The following BMAL1 variants were observed in gnomAD, a reference collection of about 807,000 sequenced individuals.
The protein encoded by BMAL1 is basic helix-loop-helix ARNT-like protein 1.
At chr11:13,385,530 C>G in the BMAL1 span, among the ~76,000 whole-genome samples, 2 of 152,122 alleles carry the variant, frequency 1.3e-5, no homozygotes, top group Non-Finnish European at 2.9e-5. Flanking sequence ...TTTTTTCTTA[C>G]TCTGACCATG....
At chr11:13,313,826 C>CAA in the BMAL1 span, among the ~76,000 whole-genome samples, 1 of 152,106 alleles carries the variant, frequency 6.6e-6, no homozygotes, top group Non-Finnish European at 1.5e-5. Context: ...AAAAGCTAAC[C>CAA]CCCTTCAGCG....
chr11:13,318,699 C>T, the BMAL1 span, among the ~76,000 whole-genome samples: 1 of 151,916 alleles, frequency 6.6e-6, no homozygotes, highest in Non-Finnish European at 1.5e-5. Context: ...GTGCCTCCTT[C>T]TAGCTAGTGC....
chr11:13,372,420 A>G, the BMAL1 span: 7 of 1,613,466 alleles, frequency 4.3e-6, no homozygotes, highest in Non-Finnish European at 5.9e-6. Context: ...GTAAGAGTCT[A>G]CATACTACCC....
At chr11:13,356,191 G>A in the BMAL1 span, 1 of 446,752 alleles carries the variant, frequency 2.2e-6, no homozygotes, top group South Asian at 1.6e-5. Flanking sequence ...ACCTACCTGA[G>A]AAGCAGAATA....
At chr11:13,283,543 C>G in the BMAL1 span, among the ~76,000 whole-genome samples, 2 of 152,164 alleles carry the variant, frequency 1.3e-5, no homozygotes, top group Non-Finnish European at 2.9e-5. Context: ...AGAATTTGTG[C>G]TGGTGAACTC....
the BMAL1 span, chr11:13,378,356 C>T: frequency 1.4e-4 from 220 of 1,611,928 alleles, no homozygotes; most frequent in Non-Finnish European, 1.8e-4. Flanking sequence ...AGAGGACCCA[C>T]CCCACTGTTC....
chr11:13,350,147 G>A, the BMAL1 span: 1 of 152,202 alleles, frequency 6.6e-6, no homozygotes, highest in Admixed American at 6.5e-5. Context: ...TCTTCCTTTA[G>A]GAAGTGTAGT....
chr11:13,295,808 A>G, the BMAL1 span, among the ~76,000 whole-genome samples: 1 of 152,164 alleles, frequency 6.6e-6, no homozygotes, highest in East Asian at 1.9e-4. Flanking sequence ...ACTTTTAATG[A>G]GTTACCAGCA....
the BMAL1 span, among the ~76,000 whole-genome samples, chr11:13,284,246 A>ATATGTG: frequency 8.9e-5 from 1 of 11,284 alleles, no homozygotes; most frequent in African/African-American, 3.9e-4. Context: ...ATATATATAT[A>ATATGTG]TATATATATA....
At chr11:13,342,684 G>A in the BMAL1 span, among the ~76,000 whole-genome samples, 1 of 152,216 alleles carries the variant, frequency 6.6e-6, no homozygotes, top group Non-Finnish European at 1.5e-5. Flanking sequence ...TATGGGATTA[G>A]TGTTCCATGG....
At chr11:13,279,812 A>G in the BMAL1 span, among the ~76,000 whole-genome samples, 1 of 152,202 alleles carries the variant, frequency 6.6e-6, no homozygotes, top group South Asian at 2.1e-4. Flanking sequence ...TTTGGTTTTG[A>G]TTGTAGATGC....
the BMAL1 span, among the ~76,000 whole-genome samples, chr11:13,327,012 G>A: frequency 6.6e-6 from 1 of 151,870 alleles, no homozygotes; most frequent in African/African-American, 2.4e-5. Flanking sequence ...AGTAGAGACG[G>A]GGTTTCACCG....
chr11:13,301,605 G>A, the BMAL1 span, among the ~76,000 whole-genome samples: 1 of 152,150 alleles, frequency 6.6e-6, no homozygotes, highest in African/African-American at 2.4e-5. Flanking sequence ...TTGAAGGACA[G>A]GCTGAAATGG....
At chr11:13,335,917 G>T in the BMAL1 span, among the ~76,000 whole-genome samples, 2 of 152,102 alleles carry the variant, frequency 1.3e-5, no homozygotes, top group Non-Finnish European at 2.9e-5. Flanking sequence ...GTGTTGTAAG[G>T]TTATATTACT....
At chr11:13,351,818 A>G in the BMAL1 span, among the ~76,000 whole-genome samples, 1 of 152,244 alleles carries the variant, frequency 6.6e-6, no homozygotes, top group South Asian at 2.1e-4. Context: ...TGGTCAACCC[A>G]ACAAGGGCTG....
the BMAL1 span, among the ~76,000 whole-genome samples, chr11:13,342,254 G>T: frequency 6.6e-6 from 1 of 152,198 alleles, no homozygotes; most frequent in African/African-American, 2.4e-5. Context: ...CAGTGAGCAC[G>T]CACTGGGCAA....
the BMAL1 span, among the ~76,000 whole-genome samples, chr11:13,360,695 AG>A: frequency 6.6e-6 from 1 of 152,218 alleles, no homozygotes; most frequent in East Asian, 1.9e-4. Flanking sequence ...GTTAAAAATA[AG>A]GGGGATTTGA....
chr11:13,279,233 A>G, the BMAL1 span, among the ~76,000 whole-genome samples: 1 of 152,194 alleles, frequency 6.6e-6, no homozygotes, highest in Non-Finnish European at 1.5e-5. Context: ...CAAAAATCAG[A>G]TTCCGTATTT....
the BMAL1 span, among the ~76,000 whole-genome samples, chr11:13,320,347 A>G: frequency 6.6e-6 from 1 of 152,194 alleles, no homozygotes; most frequent in East Asian, 1.9e-4. Context: ...GTCTGAGTAG[A>G]CTTGATACCC....
Sources: allele counts gnomAD v4.1 joint callset (sites outside exome capture counted in the v4.1 genomes callset), GRCh38; gene constraint gnomAD v4.1.1; transcripts MANE v1.5; gene names NCBI Gene and HGNC (gene_info 2026-07-23, HGNC 2026-07-21).